The following ACKR4 variants were observed in gnomAD, a reference collection of about 807,000 sequenced individuals.
ACKR4 encodes the protein C-C CKR-11.
ACKR4 carries 2 observed loss-of-function variants against 8.5 expected under a neutral mutation model. That is an observed-to-expected ratio of 0.23 (90% CI 0.10 to 0.74). The LOEUF is 0.74. ACKR4 is among the 30% of genes least tolerant of loss of function. The pLI, the probability that ACKR4 is intolerant of heterozygous loss-of-function variation, is 0.75. For missense variants in ACKR4, 167 were observed against 422.1 expected (o/e 0.40, Z 5.30); for synonymous variants, 67 against 145.0 (o/e 0.46, Z 3.86).
chr3:132,601,866 T>C lies in ACKR4; in HGVS notation c.*416T>C, dbSNP rs1443627838. The C allele has an allele frequency of 1.4e-5, 4 of 278,908 alleles. No individual in the cohort carries two copies. The East Asian group carries it at 3.2e-4, about 22-fold the overall frequency. The allele number at this position is 278,908 out of a possible 1,614,324, so 17.3% of individuals were successfully genotyped here. A position where few individuals can be genotyped will look rare whatever the true frequency, so the allele number is the denominator to read the frequency against. On this transcript the variant is annotated 3_prime_UTR_variant, in exon 2 of 2. Transcript: ENST00000249887. Reference sequence around the variant, plus strand: ...AGTATAATTATGTAAGATGGAACCATTGGGGAAAACTGGGTGAAGGGTACC... The same window carrying C: ...AGTATAATTATGTAAGATGGAACCACTGGGGAAAACTGGGTGAAGGGTACC...
intron 1 of ACKR4, among the ~76,000 whole-genome samples, chr3:132,597,853 A>G (rs1938383730): frequency 6.6e-6 from 1 of 152,126 alleles, no homozygotes; most frequent in African/African-American, 2.4e-5. Flanking sequence ...CAAGGTTCAT[A>G]CTGTGTTAAT....
intron 1 of ACKR4, among the ~76,000 whole-genome samples, chr3:132,599,187 CAATA>C (rs1171521448): frequency 1.3e-5 from 2 of 151,456 alleles, no homozygotes; most frequent in Admixed American, 6.6e-5. Context: ...ATAACCTGGT[CAATA>C]AATAAATAAA....
chr3:132,599,158 C>G (rs1278609460), intron 1 of ACKR4, among the ~76,000 whole-genome samples: 1 of 151,598 alleles, frequency 6.6e-6, no homozygotes, highest in Non-Finnish European at 1.5e-5. Context: ...ATCAAAAATA[C>G]AAAAAGTTAT....
chr3:132,600,424 A>T lies in ACKR4; in HGVS notation c.27A>T (p.Thr9=), dbSNP rs1042931661. 7 of 1,603,160 alleles carry T rather than the reference A, an allele frequency of 4.4e-6. No individual in the cohort carries two copies. Among genetic ancestry groups the T allele is most frequent in the Non-Finnish European group, 6.0e-6 (7 of 1,174,376 alleles). The change falls in exon 2 of 2, where the codon ACA becomes ACT. Residue 9 remains threonine, a synonymous_variant. Coordinates refer to ENST00000249887, the MANE Select transcript of ACKR4 (RefSeq NM_016557.4). MALEQNQS[T]DYYYEENEMN... ...TGGCTTTGGAACAGAACCAGTCAAC[A>T]GATTATTATTATGAGGAAAATGAAA...
At position 132,601,811 on chromosome 3, in the gene ACKR4, C is replaced by T. The variant is rs1938616697; in HGVS notation, c.*361C>T. The T allele has an allele frequency of 3.0e-6, 1 of 337,882 alleles. No individual in the cohort carries two copies. Among genetic ancestry groups the T allele is most frequent in the African/African-American group, 2.2e-5 (1 of 45,810 alleles). 20.9% of individuals were successfully genotyped at this position (337,882 alleles called of 1,614,324 possible). On this transcript the variant is annotated 3_prime_UTR_variant, in exon 2 of 2. Coordinates refer to ENST00000249887, the MANE Select transcript of ACKR4 (RefSeq NM_016557.4). ...CACAGAACTATATACACACATTGTA[C>T]CAATTTCAATTTCCTGGTTTTGACA...
intron 1 of ACKR4, among the ~76,000 whole-genome samples, chr3:132,599,021 G>T (rs1359428376): frequency 2.0e-5 from 3 of 152,140 alleles, no homozygotes; most frequent in Non-Finnish European, 4.4e-5. Context: ...CAGTTAGAAA[G>T]ATACTGCTTG....
chr3:132,600,611 C>A lies in ACKR4; in HGVS notation c.214C>A (p.Gln72Lys). ...VVAIYAYYKK[Q>K]RTKTDVYILN... ...GGCAATTTATGCCTATTACAAGAAA[C>A]AGAGAACCAAAACAGATGTGTACAT... The change falls in exon 2 of 2, where the codon CAG becomes AAG. Residue 72 changes from glutamine (Q) to lysine (K), a missense_variant. Physicochemically the swap from Gln to Lys is moderately conservative, Grantham distance 53. Coordinates refer to ENST00000249887, the MANE Select transcript of ACKR4 (RefSeq NM_016557.4). The A allele has an allele frequency of 1.2e-6, 2 of 1,613,778 alleles. No homozygotes were observed. The highest frequency in any genetic ancestry group is 1.7e-6 in the Non-Finnish European group (2 of 1,179,774).
intron 1 of ACKR4, among the ~76,000 whole-genome samples, chr3:132,598,610 G>C (rs1344760890): frequency 2.0e-5 from 3 of 152,232 alleles, no homozygotes; most frequent in Non-Finnish European, 4.4e-5. Context: ...AGTCTTCTGG[G>C]GAGGTCGCAT....
At chr3:132,598,254 C>A (rs1938403145) in intron 1 of ACKR4, among the ~76,000 whole-genome samples, 1 of 152,164 alleles carries the variant, frequency 6.6e-6, no homozygotes, top group East Asian at 1.9e-4. Flanking sequence ...TTTATACATT[C>A]CAAAACTTAC....
rs575324351 is a variant in ACKR4, at chr3:132,601,820, A to G, written c.*370A>G. ...ATATACACACATTGTACCAATTTCA[A>G]TTTCCTGGTTTTGACATTATAGTAT... On this transcript the variant is annotated 3_prime_UTR_variant, in exon 2 of 2. Transcript: ENST00000249887. 23 of 330,982 alleles carry G rather than the reference A, an allele frequency of 6.9e-5. No homozygotes were observed. Among genetic ancestry groups the G allele is most frequent in the African/African-American group, 2.6e-4 (12 of 45,672 alleles). The allele number at this position is 330,982 out of a possible 1,614,324, so 20.5% of individuals were successfully genotyped here.
Position 132,600,436 on chromosome 3 carries a change from T to C in ACKR4, c.39T>C (p.Tyr13=), listed in dbSNP as rs755793042. 8.1e-6 allele frequency: 13 copies of C among 1,608,320 alleles called. No individual in the cohort carries two copies. The highest frequency in any genetic ancestry group is 1.7e-4 in the Middle Eastern group (1 of 6,044). ...LEQNQSTDYY[Y]EENEMNGTYD... ...AGAACCAGTCAACAGATTATTATTA[T>C]GAGGAAAATGAAATGAATGGCACTT... is the stretch of plus-strand genomic sequence containing the variant. Residue 13 remains tyrosine (Y), a synonymous_variant, in exon 2 of 2, where the codon TAT becomes TAC. Coordinates refer to ENST00000249887, the MANE Select transcript of ACKR4 (RefSeq NM_016557.4).
At position 132,601,312 on chromosome 3, in the gene ACKR4, T is replaced by TA; in HGVS notation, c.916dup (p.Met306AsnfsTer32). 6.2e-7 allele frequency: 1 copy of TA among 1,613,836 alleles called. No homozygotes were observed. Among genetic ancestry groups the TA allele is most frequent in the Non-Finnish European group, 8.5e-7 (1 of 1,179,846 alleles). On this transcript the variant is annotated frameshift_variant, in exon 2 of 2. Transcript: ENST00000249887. LOFTEE classifies it high-confidence loss of function. ...GCCTCAACCCAATCCTTTATGTTTT[T>TA]ATGGGAGCATCTTTCAAAAACTACG...
At chr3:132,599,467 C>T (rs1262783568) in intron 1 of ACKR4, among the ~76,000 whole-genome samples, 9 of 151,674 alleles carry the variant, frequency 5.9e-5, no homozygotes, top group Non-Finnish European at 2.9e-5. Context: ...AGATTGTCCA[C>T]TGCATTCCAG....
Position 132,601,226 on chromosome 3 carries a change from A to G in ACKR4, c.829A>G (p.Met277Val), listed in dbSNP as rs570557930. ...IIYSLITSCN[M>V]SKRMDIAIQV... is the part of the protein sequence containing the mutation. ...CTACTCCCTGATCACCAGCTGCAAC[A>G]TGAGCAAACGCATGGACATCGCCAT... Residue 277 changes from methionine (M) to valine (V), a missense_variant, in exon 2 of 2, where the codon ATG (methionine) becomes GTG (valine). This residue lies in a region of ACKR4 where 18 missense variants were observed against 140.2 expected (regional missense o/e 0.13). Coordinates refer to ENST00000249887, the MANE Select transcript of ACKR4 (RefSeq NM_016557.4). The G allele has an allele frequency of 1.2e-6, 2 of 1,613,950 alleles. No individual in the cohort carries two copies. Among genetic ancestry groups the G allele is most frequent in the South Asian group, 2.2e-5 (2 of 91,068 alleles).
In ACKR4 at chr3:132,601,375, A is replaced by G; in HGVS notation, c.978A>G (p.Arg326=). ...KVAKKYGSWR[R]QRQSVEEFPF... is the part of the protein sequence containing the mutation. Reference sequence around the variant, plus strand: ...CCAAGAAATATGGGTCCTGGAGAAGACAGAGACAAAGTGTGGAGGAGTTTC... The same window carrying G: ...CCAAGAAATATGGGTCCTGGAGAAGGCAGAGACAAAGTGTGGAGGAGTTTC... Residue 326 remains arginine, a synonymous_variant, in exon 2 of 2, where the codon AGA becomes AGG. Transcript: ENST00000249887. The G allele has an allele frequency of 1.2e-6, 2 of 1,605,926 alleles. No homozygotes were observed. Among genetic ancestry groups the G allele is most frequent in the Non-Finnish European group, 1.7e-6 (2 of 1,174,926 alleles).
rs1938632801 is a variant in ACKR4, at chr3:132,602,090, T to C, written c.*640T>C. On this transcript the variant is annotated 3_prime_UTR_variant, in exon 2 of 2. Transcript: ENST00000249887. ...CAAGAACGATTTCCCTGCATAATTT[T>C]AGTACTTGAATAAGTATGCAGCAGA... 1 of 166,842 alleles carries C rather than the reference T, an allele frequency of 6.0e-6. No homozygotes were observed. Among genetic ancestry groups the C allele is most frequent in the African/African-American group, 2.4e-5 (1 of 41,414 alleles). 10.3% of individuals were successfully genotyped at this position (166,842 alleles called of 1,614,324 possible).
Position 132,601,834 on chromosome 3 carries a change from A to G in ACKR4, c.*384A>G. The G allele has an allele frequency of 3.1e-6, 1 of 325,346 alleles. No individual in the cohort carries two copies. Among genetic ancestry groups the G allele is most frequent in the East Asian group, 8.8e-5 (1 of 11,426 alleles). 20.2% of individuals were successfully genotyped at this position (325,346 alleles called of 1,614,324 possible). On this transcript the variant is annotated 3_prime_UTR_variant, in exon 2 of 2. Coordinates refer to ENST00000249887, the MANE Select transcript of ACKR4 (RefSeq NM_016557.4). ...TACCAATTTCAATTTCCTGGTTTTGACATTATAGTATAATTATGTAAGATG... is the reference window on the plus strand; with the variant it reads ...TACCAATTTCAATTTCCTGGTTTTGGCATTATAGTATAATTATGTAAGATG...
chr3:132,597,997 G>C (rs7626429), intron 1 of ACKR4, among the ~76,000 whole-genome samples: 11,715 of 151,996 alleles, frequency 0.077, 1,496 homozygotes, highest in African/African-American at 0.27. Flanking sequence ...TCTTCTATGT[G>C]GTGTCTTTCT....
In ACKR4 at chr3:132,600,462, A is replaced by AT; in HGVS notation, c.66dup (p.Asp23Ter). On this transcript the variant is annotated frameshift_variant, in exon 2 of 2. Coordinates refer to ENST00000249887, the MANE Select transcript of ACKR4 (RefSeq NM_016557.4). LOFTEE classifies it low-confidence loss of function (END_TRUNC). ...GAGGAAAATGAAATGAATGGCACTT[A>AT]TGACTACAGTCAATATGAACTGATC... 1 of 1,613,340 alleles carries AT rather than the reference A, an allele frequency of 6.2e-7. No individual in the cohort carries two copies. Among genetic ancestry groups the AT allele is most frequent in the Non-Finnish European group, 8.5e-7 (1 of 1,179,644 alleles).
Sources: gnomAD v4.1 joint callset for allele counts (sites outside exome capture counted in the v4.1 genomes callset) on GRCh38, gnomAD v4.1.1 for gene constraint, gnomAD v4.1.1 regional missense constraint, MANE v1.5 for transcripts, NCBI Gene and HGNC (gene_info 2026-07-23, HGNC 2026-07-21) for gene names.